The following NREP variants were observed in gnomAD, a reference collection of about 807,000 sequenced individuals.
NREP encodes the protein neuronal regeneration-related protein.
NREP carries 5 observed loss-of-function variants against 8.6 expected under a neutral mutation model. The ratio of observed to expected loss-of-function variants is 0.58; its 90% CI spans 0.30 to 1.22. The LOEUF (loss-of-function observed/expected upper bound fraction) is 1.22, where lower values mean the gene tolerates loss of function less well. NREP is among the 50% of genes most tolerant of loss of function. NREP has a pLI of 0.07. For missense variants in NREP, 86 were observed against 82.5 expected (o/e 1.04, Z -0.17); for synonymous variants, 27 against 28.0 (o/e 0.96, Z 0.11).
At chr5:111,874,079 T>C (rs1753850846) in intron 2 of NREP, among the ~76,000 whole-genome samples, 1 of 152,064 alleles carries the variant, frequency 6.6e-6, no homozygotes. Flanking sequence ...GATAGGGAGA[T>C]TGGACACATA....
intron 2 of NREP, among the ~76,000 whole-genome samples, chr5:111,806,930 C>G (rs182110033): frequency 1.4e-3 from 215 of 152,124 alleles, no homozygotes; most frequent in Non-Finnish European, 2.1e-3. Context: ...AACCCTGAGA[C>G]TTGCCTTGGT....
chr5:111,858,368 C>A (rs952991127), intron 2 of NREP, among the ~76,000 whole-genome samples: 1 of 152,042 alleles, frequency 6.6e-6, no homozygotes, highest in African/African-American at 2.4e-5. Context: ...TTCCACAACC[C>A]GGGTCTCTCC....
intron 2 of NREP, among the ~76,000 whole-genome samples, chr5:111,860,801 C>T (rs1257424993): frequency 2.6e-5 from 4 of 152,086 alleles, no homozygotes; most frequent in Non-Finnish European, 5.9e-5. Context: ...AGCCATTACA[C>T]CAAAGCAAAG....
chr5:111,902,435 G>C (rs895750397), intron 2 of NREP, among the ~76,000 whole-genome samples: 3 of 152,150 alleles, frequency 2.0e-5, no homozygotes, highest in Admixed American at 1.3e-4. Flanking sequence ...GTAGAATCAA[G>C]ATTCTGAAGT....
intron 2 of NREP, chr5:111,974,454 G>A (rs571899101): frequency 5.3e-5 from 8 of 152,266 alleles, no homozygotes; most frequent in Admixed American, 1.3e-4. Flanking sequence ...CCTAGAAGAC[G>A]ACTGGGCCAG....
At chr5:111,942,653 A>C (rs1755860685) in intron 2 of NREP, among the ~76,000 whole-genome samples, 1 of 152,050 alleles carries the variant, frequency 6.6e-6, no homozygotes, top group Non-Finnish European at 1.5e-5. Context: ...AAAAAAAAAC[A>C]GCATCAGATA....
At chr5:111,900,941 C>T (rs1754631716) in intron 2 of NREP, among the ~76,000 whole-genome samples, 1 of 152,112 alleles carries the variant, frequency 6.6e-6, no homozygotes, top group Non-Finnish European at 1.5e-5. Context: ...CAAAACCAGA[C>T]TAGGCTACAA....
At chr5:111,814,681 C>T (rs1384124609) in intron 2 of NREP, among the ~76,000 whole-genome samples, 1 of 152,140 alleles carries the variant, frequency 6.6e-6, no homozygotes, top group East Asian at 1.9e-4. Flanking sequence ...ATAAAAAATT[C>T]CCTCACTATT....
intron 2 of NREP, among the ~76,000 whole-genome samples, chr5:111,829,458 A>G (rs1416455015): frequency 6.6e-6 from 1 of 152,186 alleles, no homozygotes; most frequent in African/African-American, 2.4e-5. Flanking sequence ...ACCGGCCCAT[A>G]AAGACAATGT....
intron 2 of NREP, among the ~76,000 whole-genome samples, chr5:111,861,713 G>A (rs1274517849): frequency 2.0e-5 from 3 of 152,164 alleles, no homozygotes; most frequent in African/African-American, 2.4e-5. Context: ...TGCTTTAGAT[G>A]TAGGAATATG....
intron 2 of NREP, among the ~76,000 whole-genome samples, chr5:111,865,681 T>G (rs1404321803): frequency 6.6e-6 from 1 of 152,186 alleles, no homozygotes; most frequent in Non-Finnish European, 1.5e-5. Context: ...CTATTTGTCA[T>G]CAGAGTTCCT....
At position 111,731,031 on chromosome 5, in the gene NREP, G is replaced by C. The variant is rs747523498; in HGVS notation, c.97C>G (p.Pro33Ala). 6.2e-7 allele frequency: 1 copy of C among 1,613,776 alleles called. No homozygotes were observed. The highest frequency in any genetic ancestry group is 1.1e-5 in the South Asian group (1 of 91,064). The change falls in exon 4 of 4, where the codon CCA becomes GCA. Residue 33 changes from proline (P) to alanine (A), a missense_variant. By Grantham distance (27) the Pro-to-Ala change is conservative. Coordinates refer to ENST00000257435, the MANE Select transcript of NREP (RefSeq NM_004772.4). ...GRLPKGRLPVPKEVNRKKNDE... is the reference protein window; with the variant it reads ...GRLPKGRLPVAKEVNRKKNDE... ...TTCTTCTTGCGGTTCACTTCCTTTGGGACAGGAAGTCTTCCCTGCAAAGCA... is the reference window on the plus strand; with the variant it reads ...TTCTTCTTGCGGTTCACTTCCTTTGCGACAGGAAGTCTTCCCTGCAAAGCA...
At chr5:111,878,039 G>A (rs958476375) in intron 2 of NREP, among the ~76,000 whole-genome samples, 2 of 152,172 alleles carry the variant, frequency 1.3e-5, no homozygotes, top group Non-Finnish European at 2.9e-5. Context: ...TAGAGATATG[G>A]AACTGGATCA....
At chr5:111,970,035 C>CA (rs1268934473) in intron 2 of NREP, among the ~76,000 whole-genome samples, 1 of 152,146 alleles carries the variant, frequency 6.6e-6, no homozygotes, top group Non-Finnish European at 1.5e-5. Flanking sequence ...ATTCTCTTTC[C>CA]ATTTTATGCT....
At chr5:111,919,574 G>C (rs1755165227) in intron 2 of NREP, among the ~76,000 whole-genome samples, 1 of 151,994 alleles carries the variant, frequency 6.6e-6, no homozygotes. Context: ...TCTTTACAGG[G>C]ACATGGATGA....
chr5:111,779,825 G>C (rs947804937), intron 2 of NREP, among the ~76,000 whole-genome samples: 2 of 152,222 alleles, frequency 1.3e-5, no homozygotes, highest in African/African-American at 4.8e-5. Flanking sequence ...TACAGTATGA[G>C]AGAGGACAAG....
intron 2 of NREP, among the ~76,000 whole-genome samples, chr5:111,851,483 GAGAA>G (rs1170270962): frequency 1.3e-5 from 2 of 152,246 alleles, no homozygotes; most frequent in African/African-American, 2.4e-5. Flanking sequence ...AATATAAAGA[GAGAA>G]AGAGAGAGAG....
At chr5:111,959,596 T>C (rs1251566743) in intron 2 of NREP, among the ~76,000 whole-genome samples, 1 of 151,940 alleles carries the variant, frequency 6.6e-6, no homozygotes, top group East Asian at 1.9e-4. Context: ...AAAATCAAAT[T>C]AAAACAATAT....
intron 2 of NREP, among the ~76,000 whole-genome samples, chr5:111,955,133 C>A (rs1756272724): frequency 6.6e-6 from 1 of 152,106 alleles, no homozygotes; most frequent in Admixed American, 6.5e-5. Flanking sequence ...GCCTGCCTGA[C>A]ACAGAAACAG....
Sources: allele counts gnomAD v4.1 joint callset (sites outside exome capture counted in the v4.1 genomes callset), GRCh38; gene constraint gnomAD v4.1.1; transcripts MANE v1.5; gene names NCBI Gene and HGNC (gene_info 2026-07-23, HGNC 2026-07-21).